The following BMP2K variants were observed in gnomAD, a reference collection of about 807,000 sequenced individuals.
BMP2K encodes the protein BMP2 inducible kinase, also known as BMP-2-inducible protein kinase.
BMP2K carries 74 observed loss-of-function variants against 116.0 expected under a neutral mutation model. That is an observed-to-expected ratio of 0.64 (90% CI 0.53 to 0.77). BMP2K has a LOEUF of 0.77. Ranked by LOEUF, BMP2K falls within the 30% of genes least tolerant of loss-of-function variation. The pLI is 0.00. For missense variants in BMP2K, 1,365 were observed against 1,403.6 expected (o/e 0.97, Z 0.44); for synonymous variants, 486 against 502.5 (o/e 0.97, Z 0.44).
intron 2 of BMP2K, among the ~76,000 whole-genome samples, chr4:78,830,250 A>G (rs1266123259): frequency 1.3e-5 from 2 of 152,178 alleles, no homozygotes; most frequent in Non-Finnish European, 2.9e-5. Context: ...GAGCAGTAAT[A>G]TTTTGAAAGG....
At chr4:78,839,573 A>G (rs1285132665) in intron 3 of BMP2K, among the ~76,000 whole-genome samples, 1 of 152,200 alleles carries the variant, frequency 6.6e-6, no homozygotes, top group African/African-American at 2.4e-5. Context: ...ATCTTGTTGT[A>G]TTAGTCAGGG....
chr4:78,865,582 G>A lies in BMP2K; in HGVS notation c.1093G>A (p.Glu365Lys). Reference protein sequence around the residue: ...ARITDTIGPTETSIAPRQRPK... With the variant: ...ARITDTIGPTKTSIAPRQRPK... ...AATAACAGATACCATTGGACCAACA[G>A]AAACCTCAATTGCACCAAGACAAAG... Residue 365 changes from glutamate to lysine, a missense_variant, in exon 10 of 16, where the codon GAA becomes AAA. By Grantham distance (56) the Glu-to-Lys change is moderately conservative. Around this residue, in one of 3 missense-constraint regions of BMP2K, gnomAD observed 762 missense variants for 756.7 expected, o/e 1.01. Coordinates refer to ENST00000502613, the MANE Select transcript of BMP2K (RefSeq NM_198892.2). 2 of 1,614,062 alleles carry A rather than the reference G, an allele frequency of 1.2e-6. No homozygotes were observed. The highest frequency in any genetic ancestry group is 1.7e-6 in the Non-Finnish European group (2 of 1,179,966).
intron 3 of BMP2K, among the ~76,000 whole-genome samples, chr4:78,835,947 C>A (rs1394220167): frequency 6.6e-6 from 1 of 151,762 alleles, no homozygotes; most frequent in Non-Finnish European, 1.5e-5. Flanking sequence ...AATTTTACTT[C>A]TAGTATAGAT....
In BMP2K at chr4:78,833,578, C is replaced by T. The variant is rs114119862; in HGVS notation, c.298-4C>T. On this transcript the variant is annotated splice_region_variant and splice_polypyrimidine_tract_variant and intron_variant, in intron 2 of 15. Transcript: ENST00000502613. ...CCAGTTTTCATTTTTTTTTTTCTTT[C>T]CAGAAAGAGCTATCTGGTCACAAAA... The T allele has an allele frequency of 9.2e-3, 14,167 of 1,541,024 alleles. 1,135 individuals are homozygous for T. In the African/African-American group the frequency reaches 0.17, roughly 19 times the overall value.
At chr4:78,782,519 A>G (rs191734705) in intron 1 of BMP2K, among the ~76,000 whole-genome samples, 1 of 152,312 alleles carries the variant, frequency 6.6e-6, no homozygotes, top group African/African-American at 2.4e-5. Context: ...GAAGAGCACC[A>G]ATGGAGGGCT....
chr4:78,894,642 A>C (rs1269458660), intron 15 of BMP2K, among the ~76,000 whole-genome samples: 1 of 152,186 alleles, frequency 6.6e-6, no homozygotes, highest in African/African-American at 2.4e-5. Flanking sequence ...ATCAGCAGTA[A>C]GGTTGTTTTC....
In BMP2K at chr4:78,851,004, C is replaced by T; in HGVS notation, c.831C>T (p.Asn277=). Residue 277 remains asparagine (N), a synonymous_variant, in exon 7 of 16, where the codon AAC becomes AAT. Transcript: ENST00000502613. ...GTCAGGTTGCTATCTGTGATGGCAA[C>T]TTCACCATCCCAGACAATTCTCGTT... ...GESQVAICDG[N]FTIPDNSRYS... is the part of the protein sequence containing the mutation. 1 of 1,612,006 alleles carries T rather than the reference C, an allele frequency of 6.2e-7. No homozygotes were observed. The highest frequency in any genetic ancestry group is 8.5e-7 in the Non-Finnish European group (1 of 1,178,740).
At chr4:78,821,385 ACT>A (rs1286754358) in intron 1 of BMP2K, among the ~76,000 whole-genome samples, 2 of 152,268 alleles carry the variant, frequency 1.3e-5, no homozygotes, top group East Asian at 1.9e-4. Context: ...GAAAAAAAAC[ACT>A]GTTTCCAATT....
chr4:78,868,868 G>A (rs573084109), intron 10 of BMP2K, among the ~76,000 whole-genome samples: 77 of 152,310 alleles, frequency 5.1e-4, no homozygotes, highest in African/African-American at 1.8e-3. Context: ...GCTTTGCAGA[G>A]TACAGTGTCT....
chr4:78,859,823 TTG>T lies in BMP2K; in HGVS notation c.987+142_987+143del, dbSNP rs1404783548. Reference sequence around the variant, plus strand: ...TCTTGTTTCATGACAAGTGATCTGATTGTGTGTTTGATATTTGTGGTATAAAG... The same window carrying T: ...TCTTGTTTCATGACAAGTGATCTGATTGTGTTTGATATTTGTGGTATAAAG... On this transcript the variant is annotated intron_variant, in intron 8 of 15. Transcript: ENST00000502613. 5 of 637,708 alleles carry T rather than the reference TTG, an allele frequency of 7.8e-6. No homozygotes were observed. The African/African-American group carries it at 9.2e-5, about 12-fold the overall frequency. The allele number at this position is 637,708 out of a possible 1,614,324, so 39.5% of individuals were successfully genotyped here. A position where few individuals can be genotyped will look rare whatever the true frequency, so the allele number is the denominator to read the frequency against.
At chr4:78,817,937 AT>A (rs1043387307) in intron 1 of BMP2K, among the ~76,000 whole-genome samples, 1 of 152,086 alleles carries the variant, frequency 6.6e-6, no homozygotes, top group Non-Finnish European at 1.5e-5. Flanking sequence ...ACAGACATAT[AT>A]TTTTTTCTTA....
rs1342899793 is a variant in BMP2K, at chr4:78,914,369, G to T, written c.*2336G>T. On this transcript the variant is annotated 3_prime_UTR_variant, in exon 16 of 16. Coordinates refer to ENST00000502613, the MANE Select transcript of BMP2K (RefSeq NM_198892.2). ...CAGCACAGTGACTTTCTTCTTTCAA[G>T]ATTGTAGCTCAGAGAAAAGATACAG... The T allele has an allele frequency of 6.6e-6, 1 of 152,008 alleles. No individual in the cohort carries two copies. Among genetic ancestry groups the T allele is most frequent in the African/African-American group, 2.4e-5 (1 of 41,422 alleles). The allele number at this position is 152,008 out of a possible 1,614,324, so 9.4% of individuals were successfully genotyped here.
At chr4:78,896,634 A>G (rs889807249) in intron 15 of BMP2K, among the ~76,000 whole-genome samples, 25 of 152,354 alleles carry the variant, frequency 1.6e-4, no homozygotes, top group African/African-American at 5.5e-4. Context: ...TGAGATCTCA[A>G]CTATGAGACT....
chr4:78,823,867 G>A (rs963601377), intron 1 of BMP2K, among the ~76,000 whole-genome samples: 2 of 152,066 alleles, frequency 1.3e-5, no homozygotes, highest in African/African-American at 4.8e-5. Context: ...TCTCTCAGCT[G>A]TACTCATACT....
At position 78,916,247 on chromosome 4, in the gene BMP2K, C is replaced by T. The variant is rs189351360; in HGVS notation, c.*4214C>T. On this transcript the variant is annotated 3_prime_UTR_variant, in exon 16 of 16. Coordinates refer to ENST00000502613, the MANE Select transcript of BMP2K (RefSeq NM_198892.2). ...CTTATTCTTTTTGACTGAATTCTGT[C>T]CCTGATTCACTGTTTTGTTTGAAAT... The T allele has an allele frequency of 6.6e-6, 1 of 151,852 alleles. No homozygotes were observed. Among genetic ancestry groups the T allele is most frequent in the East Asian group, 1.9e-4 (1 of 5,176 alleles). The allele number at this position is 151,852 out of a possible 1,614,324, so 9.4% of individuals were successfully genotyped here.
chr4:78,878,917 T>C, intron 14 of BMP2K, 26 bp downstream of exon 14: 1 of 1,594,182 alleles, frequency 6.3e-7, no homozygotes. Context: ...AGGCTTATTT[T>C]GCTTCACAGT....
At chr4:78,829,411 T>G (rs1007974925) in intron 2 of BMP2K, among the ~76,000 whole-genome samples, 2 of 151,700 alleles carry the variant, frequency 1.3e-5, no homozygotes, top group Admixed American at 6.6e-5. Context: ...TGTTTTTTTT[T>G]TTTTTTCTGT....
At chr4:78,852,541 AACTT>A (rs575696826) in intron 7 of BMP2K, among the ~76,000 whole-genome samples, 110 of 152,282 alleles carry the variant, frequency 7.2e-4, no homozygotes, top group African/African-American at 2.4e-3. Flanking sequence ...TTAAAACCAT[AACTT>A]ACTTACCTAT....
chr4:78,871,012 C>G lies in BMP2K; in HGVS notation c.1461C>G (p.His487Gln), dbSNP rs200441916. 953 of 1,492,672 alleles carry G rather than the reference C, an allele frequency of 6.4e-4. No homozygotes were observed. The highest frequency in any genetic ancestry group is 6.2e-3 in the African/African-American group (429 of 68,740). 92.5% of individuals were successfully genotyped at this position (1,492,672 alleles called of 1,614,324 possible). A position where few individuals can be genotyped will look rare whatever the true frequency, so the allele number is the denominator to read the frequency against. Reference sequence around the variant, plus strand: ...AGCAGCAGCAGCAGCAGCAGCAGCACCACCACCACCACCACCACCACCTAC... The same window carrying G: ...AGCAGCAGCAGCAGCAGCAGCAGCAGCACCACCACCACCACCACCACCTAC... ...QQQQQQQQQQ[H>Q]HHHHHHHLLQ... The change falls in exon 11 of 16, where the codon CAC becomes CAG. Residue 487 changes from histidine to glutamine, a missense_variant. By Grantham distance (24) the His-to-Gln change is conservative. Around this residue, in one of 3 missense-constraint regions of BMP2K, gnomAD observed 762 missense variants for 756.7 expected, o/e 1.01. Transcript: ENST00000502613.
Sources: gnomAD v4.1 joint callset for allele counts (sites outside exome capture counted in the v4.1 genomes callset) on GRCh38, gnomAD v4.1.1 for gene constraint, gnomAD v4.1.1 regional missense constraint, MANE v1.5 for transcripts, NCBI Gene and HGNC (gene_info 2026-07-23, HGNC 2026-07-21) for gene names.